Variants in YBX3 observed in about 807,000 individuals in gnomAD.
YBX3 encodes the protein Y-box binding protein 3, also known as Y-box-binding protein 3.
In YBX3, 29 loss-of-function variants were observed where a neutral mutation model predicts 42.4. That is an observed-to-expected ratio of 0.68 (90% confidence interval 0.51 to 0.93). The LOEUF is 0.93. Ranked by LOEUF, YBX3 falls within the 40% of genes least tolerant of loss-of-function variation. The pLI, the probability that YBX3 is intolerant of heterozygous loss-of-function variation, is 0.00. For synonymous variants in YBX3, 195 were observed against 189.8 expected (o/e 1.03, Z -0.22); for missense variants, 517 against 527.5 (o/e 0.98, Z 0.19).
At chr12:10,719,400 T>C (rs547294682) in intron 1 of YBX3, among the ~76,000 whole-genome samples, 4 of 152,346 alleles carry the variant, frequency 2.6e-5, no homozygotes, top group East Asian at 1.9e-4. Context: ...TATAAGTCTA[T>C]ACAATTCTGT....
intron 5 of YBX3, chr12:10,712,974 C>CGCCGT: frequency 4.2e-6 from 2 of 473,434 alleles, no homozygotes; most frequent in South Asian, 3.7e-5. Context: ...TCTCAGAAAT[C>CGCCGT]ACCACTAAAG....
intron 5 of YBX3, chr12:10,711,063 A>G (rs913497746): frequency 2.0e-5 from 3 of 152,266 alleles, no homozygotes; most frequent in Non-Finnish European, 4.4e-5. Context: ...AGCTTTAATC[A>G]TACTTTGATG....
chr12:10,711,141 G>A (rs895889059), intron 5 of YBX3: 8 of 151,858 alleles, frequency 5.3e-5, no homozygotes, highest in African/African-American at 1.2e-4. Context: ...GGAATTTACC[G>A]ATTCATTTTA....
chr12:10,709,931 A>G lies in YBX3; in HGVS notation c.757T>C (p.Leu253=). The G allele has an allele frequency of 6.2e-7, 1 of 1,614,126 alleles. No individual in the cohort carries two copies. The highest frequency in any genetic ancestry group is 8.5e-7 in the Non-Finnish European group (1 of 1,180,044). ...ACCTGTATTCTGTTGGGATGGGGTA[A>G]GACCCGTGAGCGACGGTCAAAGGTC... The part of the protein sequence containing the change: ...GQTFDRRSRV[L]PHPNRIQAGE... Residue 253 remains leucine, a synonymous_variant, in exon 6 of 10, where the codon TTA becomes CTA. Transcript: ENST00000228251.
At chr12:10,707,019 A>T (rs867928105) in intron 6 of YBX3, among the ~76,000 whole-genome samples, 2 of 149,496 alleles carry the variant, frequency 1.3e-5, no homozygotes, top group Non-Finnish European at 1.5e-5. Context: ...TCCATCTCAA[A>T]AAATAAATAA....
At chr12:10,711,777 A>G (rs1216089869) in intron 5 of YBX3, 1 of 152,252 alleles carries the variant, frequency 6.6e-6, no homozygotes. Flanking sequence ...TTTTGTTTCT[A>G]AATATCTTTT....
Position 10,723,088 on chromosome 12 carries a change from G to T in YBX3, c.24C>A (p.Thr8=). The change falls in exon 1 of 10, where the codon ACC becomes ACA. Residue 8 remains threonine (T), a synonymous_variant. Transcript: ENST00000228251. MSEAGEA[T]TTTTTTLPQA... Reference sequence around the variant, plus strand: ...GCGGGAGGGTGGTGGTGGTGGTGGTGGTGGCCTCGCCCGCCTCACTCATGC... The same window carrying T: ...GCGGGAGGGTGGTGGTGGTGGTGGTTGTGGCCTCGCCCGCCTCACTCATGC... 1 of 1,207,510 alleles carries T rather than the reference G, an allele frequency of 8.3e-7. No individual in the cohort carries two copies. The highest frequency in any genetic ancestry group is 1.0e-6 in the Non-Finnish European group (1 of 973,438). The allele number at this position is 1,207,510 out of a possible 1,614,324, so 74.8% of individuals were successfully genotyped here. A position where few individuals can be genotyped will look rare whatever the true frequency, so the allele number is the denominator to read the frequency against.
intron 7 of YBX3, 44 bp downstream of exon 7, chr12:10,704,007 C>T (rs1321623417): frequency 2.6e-6 from 4 of 1,565,990 alleles, no homozygotes; most frequent in East Asian, 4.5e-5. Context: ...TACCATTGTG[C>T]ACACAAGTCC....
At chr12:10,707,637 T>A (rs901568871) in intron 6 of YBX3, among the ~76,000 whole-genome samples, 1 of 152,214 alleles carries the variant, frequency 6.6e-6, no homozygotes. Flanking sequence ...AGTCCAATAA[T>A]CTCTTCAATG....
rs749231783 is a variant in YBX3 at position 10,704,182 on chromosome 12, A to C, written c.781-34T>G. 3.2e-6 allele frequency: 5 copies of C among 1,580,244 alleles called. No individual in the cohort carries two copies. The South Asian group carries it at 5.5e-5, about 17-fold the overall frequency. On this transcript the variant is annotated intron_variant, in intron 6 of 9. Coordinates refer to ENST00000228251, the MANE Select transcript of YBX3 (RefSeq NM_003651.5). The stretch of plus-strand genomic sequence containing the variant: ...GCAATGAGAGCTGACAGTGAGTGTC[A>C]CAGCACAGGGGATAAGATACAGTGC...
At chr12:10,719,893 C>T (rs1460765937) in intron 1 of YBX3, among the ~76,000 whole-genome samples, 1 of 152,148 alleles carries the variant, frequency 6.6e-6, no homozygotes, top group Non-Finnish European at 1.5e-5. Context: ...CTCTACAATG[C>T]CTGATTTTAG....
intron 6 of YBX3, among the ~76,000 whole-genome samples, chr12:10,705,391 T>A (rs1948126397): frequency 6.6e-6 from 1 of 152,072 alleles, no homozygotes; most frequent in Non-Finnish European, 1.5e-5. Context: ...CCACGTTGGT[T>A]TTCATGACCC....
chr12:10,700,756 G>A (rs958684119), intron 9 of YBX3, among the ~76,000 whole-genome samples: 3 of 152,096 alleles, frequency 2.0e-5, no homozygotes, highest in African/African-American at 7.2e-5. Flanking sequence ...CCCAGCAAAT[G>A]AGAGGTACAG....
chr12:10,701,036 T>C (rs1376958049), intron 9 of YBX3, among the ~76,000 whole-genome samples: 2 of 152,214 alleles, frequency 1.3e-5, no homozygotes, highest in African/African-American at 4.8e-5. Flanking sequence ...TCATCAACTC[T>C]GTCTGAATGC....
At chr12:10,705,079 T>C (rs1158642603) in intron 6 of YBX3, among the ~76,000 whole-genome samples, 1 of 152,160 alleles carries the variant, frequency 6.6e-6, no homozygotes, top group African/African-American at 2.4e-5. Flanking sequence ...TTATATCTTT[T>C]TGTTTGGAGC....
At chr12:10,703,985 C>G (rs1948109477) in intron 7 of YBX3, 66 bp downstream of exon 7, 1 of 1,463,668 alleles carries the variant, frequency 6.8e-7, no homozygotes, top group Non-Finnish European at 9.6e-7. Context: ...CGGAACCACA[C>G]AGTCCTCATT....
chr12:10,712,275 T>G (rs1327074227), intron 5 of YBX3: 1 of 152,256 alleles, frequency 6.6e-6, no homozygotes, highest in Non-Finnish European at 1.5e-5. Flanking sequence ...TACCTGGTTC[T>G]AATTCTAGAA....
chr12:10,710,418 T>C, intron 5 of YBX3: 1 of 1,289,408 alleles, frequency 7.8e-7, no homozygotes, highest in South Asian at 1.6e-5. Flanking sequence ...ACCCGAAGAG[T>C]ATCTGCAAGG....
intron 7 of YBX3, chr12:10,702,942 T>C (rs1231552933): frequency 6.6e-6 from 1 of 152,208 alleles, no homozygotes; most frequent in Non-Finnish European, 1.5e-5. Context: ...AGTATACGGC[T>C]GAGCTATATA....
Sources: allele counts gnomAD v4.1 joint callset (sites outside exome capture counted in the v4.1 genomes callset), GRCh38; gene constraint gnomAD v4.1.1; transcripts MANE v1.5; gene names NCBI Gene and HGNC (gene_info 2026-07-23, HGNC 2026-07-21).